The following PIWIL2 variants were observed in gnomAD, a reference collection of about 807,000 sequenced individuals.
PIWIL2 encodes the protein piwi-like protein 2.
Under a neutral mutation model 116.5 loss-of-function variants are expected in PIWIL2, and 81 were observed. The ratio of observed to expected loss-of-function variants is 0.70; its 90% CI spans 0.58 to 0.84. The LOEUF (loss-of-function observed/expected upper bound fraction) is 0.84. Ranked by LOEUF, PIWIL2 falls within the 40% of genes least tolerant of loss-of-function variation. The pLI, the probability that PIWIL2 is intolerant of heterozygous loss-of-function variation, is 0.00. For missense variants in PIWIL2, 1,272 were observed against 1,212.3 expected, an observed-to-expected ratio of 1.05 and a Z score of -0.73; for synonymous variants, 489 against 429.5, an observed-to-expected ratio of 1.14 and a Z score of -1.71.
intron 10 of PIWIL2, among the ~76,000 whole-genome samples, chr8:22,301,726 G>GT (rs35476597): frequency 0.44 from 65,587 of 147,892 alleles, 15,752 homozygotes; most frequent in East Asian, 0.81. Flanking sequence ...AAGATTTTCT[G>GT]TTTTTTTTTT....
In PIWIL2 at chr8:22,357,049, G is replaced by C. The variant is rs1832503914; in HGVS notation, c.*1544G>C. The C allele has an allele frequency of 6.6e-6, 1 of 152,084 alleles. No individual in the cohort carries two copies. The highest frequency in any genetic ancestry group is 1.5e-5 in the Non-Finnish European group (1 of 68,024). The allele number at this position is 152,084 out of a possible 1,614,324, so 9.4% of individuals were successfully genotyped here. A position where few individuals can be genotyped will look rare whatever the true frequency, so the allele number is the denominator to read the frequency against. ...ATACCCCTTTTATATGACAATGTGT[G>C]AGAAAAGAAACTTTAGCTTAAAACT... On this transcript the variant is annotated 3_prime_UTR_variant, in exon 23 of 23. Transcript: ENST00000356766.
At chr8:22,318,021 C>A in intron 19 of PIWIL2, 149 bp from the exon 20 acceptor site, 1 of 572,238 alleles carries the variant, frequency 1.7e-6, no homozygotes, top group South Asian at 2.3e-5. Context: ...CATGTCACTG[C>A]TTGTTCTTAC....
chr8:22,281,363 GTTCT>G lies in PIWIL2; in HGVS notation c.287-6_287-3del, dbSNP rs1319956273. 2 of 1,605,804 alleles carry G rather than the reference GTTCT, an allele frequency of 1.2e-6. No homozygotes were observed. Among genetic ancestry groups the G allele is most frequent in the Non-Finnish European group, 1.7e-6 (2 of 1,178,178 alleles). ...AAGTCATAGTCATTGCTGGGGTTCG[GTTCT>G]TTCTTTCAGGTAGAGGCATTTTAGG... On this transcript the variant is annotated splice_polypyrimidine_tract_variant and intron_variant, in intron 3 of 22. Transcript: ENST00000356766.
At chr8:22,303,590 C>T (rs1305079183) in intron 10 of PIWIL2, among the ~76,000 whole-genome samples, 4 of 152,060 alleles carry the variant, frequency 2.6e-5, no homozygotes. Context: ...GATGGGGTCT[C>T]GCCATGTTGC....
chr8:22,298,405 A>G (rs987907895), intron 10 of PIWIL2, among the ~76,000 whole-genome samples: 1 of 152,258 alleles, frequency 6.6e-6, no homozygotes, highest in Non-Finnish European at 1.5e-5. Flanking sequence ...TACGTAAGGA[A>G]GTAAGGCTGA....
At chr8:22,289,524 C>T (rs773160261) in intron 8 of PIWIL2, among the ~76,000 whole-genome samples, 9 of 152,312 alleles carry the variant, frequency 5.9e-5, no homozygotes, top group Middle Eastern at 3.4e-3. Context: ...CACTGTTATT[C>T]ACACACTTAG....
At chr8:22,277,619 C>T (rs1326481933) in intron 1 of PIWIL2, among the ~76,000 whole-genome samples, 2 of 152,120 alleles carry the variant, frequency 1.3e-5, no homozygotes, top group Non-Finnish European at 2.9e-5. Context: ...GGTCCTCCCA[C>T]CTGGGCCTCC....
At chr8:22,293,454 C>T (rs1184770290) in intron 10 of PIWIL2, among the ~76,000 whole-genome samples, 2 of 152,098 alleles carry the variant, frequency 1.3e-5, no homozygotes, top group Admixed American at 6.5e-5. Flanking sequence ...ATTCTCCTGC[C>T]TCAGGCCTTC....
Position 22,279,567 on chromosome 8 carries a change from AG to A in PIWIL2, c.186del (p.Pro63GlnfsTer26). 6.2e-7 allele frequency: 1 copy of A among 1,614,118 alleles called. No homozygotes were observed. Among genetic ancestry groups the A allele is most frequent in the Non-Finnish European group, 8.5e-7 (1 of 1,179,970 alleles). On this transcript the variant is annotated frameshift_variant, in exon 2 of 23. Transcript: ENST00000356766. LOFTEE classifies it high-confidence loss of function. ...FGKPEEPSTQRGPAQRESVGL... is the reference protein window; with the variant it reads ...FGKPEEPSTQXGPAQRESVGL... The stretch of plus-strand genomic sequence containing the variant: ...AAAGCCAGAGGAACCAAGCACACAG[AG>A]GGGGCCAGCACAAAGGGTAAGACCA...
intron 10 of PIWIL2, among the ~76,000 whole-genome samples, chr8:22,299,454 C>T (rs1830992730): frequency 6.6e-6 from 1 of 152,144 alleles, no homozygotes; most frequent in African/African-American, 2.4e-5. Context: ...GTGATCCACG[C>T]ACCTCGGCTT....
chr8:22,338,891 A>C (rs1319136660), intron 20 of PIWIL2, among the ~76,000 whole-genome samples: 1 of 152,222 alleles, frequency 6.6e-6, no homozygotes, highest in Non-Finnish European at 1.5e-5. Flanking sequence ...TAGAATAGTC[A>C]AGAACATCTT....
chr8:22,316,497 G>T (rs1028938182), intron 19 of PIWIL2, among the ~76,000 whole-genome samples, 164 bp downstream of exon 19: 2 of 151,614 alleles, frequency 1.3e-5, no homozygotes, highest in African/African-American at 4.8e-5. Flanking sequence ...GGGGGGAGGG[G>T]TGGAAATGGA....
chr8:22,312,071 C>T (rs1338758713), intron 16 of PIWIL2, among the ~76,000 whole-genome samples: 1 of 151,918 alleles, frequency 6.6e-6, no homozygotes, highest in Non-Finnish European at 1.5e-5. Flanking sequence ...TGAGACCAGC[C>T]TGGGCAACCT....
chr8:22,284,773 G>A (rs1388369266), intron 6 of PIWIL2, among the ~76,000 whole-genome samples: 1 of 151,800 alleles, frequency 6.6e-6, no homozygotes, highest in Non-Finnish European at 1.5e-5. Flanking sequence ...AAAAATGAAG[G>A]AAGATAACTG....
In PIWIL2 at chr8:22,335,917, C is replaced by T. The variant is rs184328390; in HGVS notation, c.2404-17042C>T. On this transcript the variant is annotated intron_variant, in intron 20 of 22. Transcript: ENST00000356766. ...AGTAGAGACAAGGAGTGACATATTA[C>T]AATAGCAAAAGAGTCAATCCATGAG... 4.3e-4 allele frequency among the ~76,000 whole-genome samples: 65 copies of T among 152,120 alleles called. 1 individual carries two copies. Among genetic ancestry groups the T allele is most frequent in the African/African-American group, 1.6e-3 (65 of 41,498 alleles).
At chr8:22,321,819 C>T in intron 20 of PIWIL2, 1 of 975,558 alleles carries the variant, frequency 1.0e-6, no homozygotes, top group Non-Finnish European at 1.2e-6. Context: ...CTCTGGACTC[C>T]CCATTTTTAT....
intron 20 of PIWIL2, among the ~76,000 whole-genome samples, chr8:22,349,179 G>A (rs1433265338): frequency 6.7e-6 from 1 of 148,696 alleles, no homozygotes; most frequent in East Asian, 2.0e-4. Flanking sequence ...CTTATTTTTT[G>A]TATTTTTAGT....
At chr8:22,328,287 T>C (rs566842262) in intron 20 of PIWIL2, among the ~76,000 whole-genome samples, 3 of 152,374 alleles carry the variant, frequency 2.0e-5, no homozygotes, top group Non-Finnish European at 4.4e-5. Context: ...TCCATTGGTC[T>C]GTGCATCTCA....
chr8:22,341,595 C>A (rs1424895091), intron 20 of PIWIL2, among the ~76,000 whole-genome samples: 1,724 of 98,296 alleles, frequency 0.018, no homozygotes, highest in African/African-American at 0.032. Flanking sequence ...AACTCCGTCT[C>A]AAAAAAAAAA....
Sources: allele counts gnomAD v4.1 joint callset (sites outside exome capture counted in the v4.1 genomes callset), GRCh38; gene constraint gnomAD v4.1.1; transcripts MANE v1.5; gene names NCBI Gene and HGNC (gene_info 2026-07-23, HGNC 2026-07-21).